Variants in PSAP observed in about 807,000 individuals in gnomAD.
PSAP encodes precursor of saposins.
Under a neutral mutation model 66.0 loss-of-function variants are expected in PSAP, and 25 were observed. The ratio of observed to expected loss-of-function variants is 0.38; its 90% CI spans 0.28 to 0.53. The LOEUF (loss-of-function observed/expected upper bound fraction) is 0.53. Ranked by LOEUF, PSAP falls within the 20% of genes least tolerant of loss-of-function variation. The pLI is 0.83. For synonymous variants in PSAP, 273 were observed against 258.9 expected, an observed-to-expected ratio of 1.05 and a Z score of -0.52; for missense variants, 649 against 668.8, an observed-to-expected ratio of 0.97 and a Z score of 0.33.
intron 1 of PSAP, among the ~76,000 whole-genome samples, chr10:71,843,462 G>GA (rs1491126617): frequency 1.3e-5 from 2 of 152,160 alleles, no homozygotes; most frequent in African/African-American, 4.8e-5. Context: ...CACAGCTACT[G>GA]AGAGAGTCAT....
At chr10:71,827,348 G>A (rs559014939) in intron 6 of PSAP, among the ~76,000 whole-genome samples, 55 of 150,136 alleles carry the variant, frequency 3.7e-4, no homozygotes, top group African/African-American at 7.1e-4. Flanking sequence ...GCAGTGAGCC[G>A]AGATCGCGCC....
At position 71,841,194 on chromosome 10, in the gene PSAP, T is replaced by C. The variant is rs532480402; in HGVS notation, c.41-6689A>G. Among the ~76,000 whole-genome samples, 4 of 152,334 alleles carry C rather than the reference T, an allele frequency of 2.6e-5. No homozygotes were observed. In the East Asian group the frequency reaches 7.7e-4, roughly 29 times the overall value. Reference sequence around the variant, plus strand: ...GCAGATCCAGCATGCTGCACCGCAGTTGGCACAGGCACCCACACAAACTGG... The same window carrying C: ...GCAGATCCAGCATGCTGCACCGCAGCTGGCACAGGCACCCACACAAACTGG... On this transcript the variant is annotated intron_variant, in intron 1 of 13. Transcript: ENST00000394936.
intron 1 of PSAP, among the ~76,000 whole-genome samples, chr10:71,841,916 G>C (rs1319592153): frequency 6.6e-6 from 1 of 151,452 alleles, no homozygotes; most frequent in Non-Finnish European, 1.5e-5. Context: ...TGAGGCAGGA[G>C]AATCACTTGA....
chr10:71,831,756 T>C, intron 3 of PSAP, 90 bp downstream of exon 3: 1 of 1,329,608 alleles, frequency 7.5e-7, no homozygotes, highest in Non-Finnish European at 1.1e-6. Flanking sequence ...GCCTACACCA[T>C]TCCTCTTTAG....
chr10:71,841,623 C>T (rs1049188635), intron 1 of PSAP, among the ~76,000 whole-genome samples: 1 of 152,158 alleles, frequency 6.6e-6, no homozygotes, highest in African/African-American at 2.4e-5. Context: ...GTAATCCAAG[C>T]ACCGTGGGAG....
chr10:71,841,045 T>G (rs73279771), intron 1 of PSAP, among the ~76,000 whole-genome samples: 2,685 of 152,314 alleles, frequency 0.018, 77 homozygotes, highest in African/African-American at 0.06. Context: ...TAAGATTACA[T>G]GGTAATCCAT....
chr10:71,817,228 G>C lies in PSAP; in HGVS notation c.*213C>G, dbSNP rs1842184911. 1 of 663,920 alleles carries C rather than the reference G, an allele frequency of 1.5e-6. No individual in the cohort carries two copies. The highest frequency in any genetic ancestry group is 2.3e-5 in the Admixed American group (1 of 42,864). The allele number at this position is 663,920 out of a possible 1,614,324, so 41.1% of individuals were successfully genotyped here. A position where few individuals can be genotyped will look rare whatever the true frequency, so the allele number is the denominator to read the frequency against. On this transcript the variant is annotated 3_prime_UTR_variant, in exon 14 of 14. Transcript: ENST00000394936. ...CCAGTGCATCAACATCCATCTAGCAGAGAGAAAAGGGGCACTGAAGCAGCT... is the reference window on the plus strand; with the variant it reads ...CCAGTGCATCAACATCCATCTAGCACAGAGAAAAGGGGCACTGAAGCAGCT...
intron 2 of PSAP, among the ~76,000 whole-genome samples, chr10:71,832,431 A>G (rs898720356): frequency 1.3e-5 from 2 of 152,214 alleles, no homozygotes; most frequent in Non-Finnish European, 2.9e-5. Flanking sequence ...ACCAGAGGCC[A>G]TGGAAATTCT....
chr10:71,818,874 T>C, intron 12 of PSAP, 150 bp from the exon 13 acceptor site: 1 of 1,026,812 alleles, frequency 9.7e-7, no homozygotes, highest in Non-Finnish European at 1.5e-6. Context: ...AGGAAAGCGA[T>C]GGGGCTTGGG....
rs916220499 is a variant in PSAP, at chr10:71,819,183, C to G, written c.1351-72G>C. On this transcript the variant is annotated intron_variant, in intron 11 of 13. Coordinates refer to ENST00000394936, the MANE Select transcript of PSAP (RefSeq NM_002778.4). ...GCATAGTGGGGCACAAAAGGCCAGG[C>G]AGGCCCTGGATACACTGTTCCCTGA... The G allele has an allele frequency of 9.5e-6, 13 of 1,367,294 alleles. 1 individual carries two copies. The South Asian group carries it at 1.4e-4, about 15-fold the overall frequency. The allele number at this position is 1,367,294 out of a possible 1,614,324, so 84.7% of individuals were successfully genotyped here.
intron 6 of PSAP, 123 bp downstream of exon 6, chr10:71,827,891 C>T: frequency 7.5e-7 from 1 of 1,335,184 alleles, no homozygotes; most frequent in South Asian, 1.3e-5. Flanking sequence ...CAAGTCTGCA[C>T]TACCTATTCA....
In PSAP at chr10:71,828,900, G is replaced by A. The variant is rs2133044718; in HGVS notation, c.553C>T (p.Pro185Ser). The stretch of plus-strand genomic sequence containing the variant: ...ACCTTTGGCTGGGGCTTGCTGCGGG[G>A]GCCGTCCTGAGGGTAGAGGAGGAGA... The part of the protein sequence containing the change: ...IPLLLYPQDG[P>S]RSKPQPKDNG... Residue 185 changes from proline to serine, a missense_variant, in exon 5 of 14, where the codon CCC becomes TCC. By Grantham distance (74) the Pro-to-Ser change is moderately conservative. Transcript: ENST00000394936. 1 of 1,614,080 alleles carries A rather than the reference G, an allele frequency of 6.2e-7. No individual in the cohort carries two copies. Among genetic ancestry groups the A allele is most frequent in the East Asian group, 2.2e-5 (1 of 44,866 alleles).
chr10:71,819,063 C>A lies in PSAP; in HGVS notation c.1399G>T (p.Val467Leu), dbSNP rs1374426593. 2 of 1,614,192 alleles carry A rather than the reference C, an allele frequency of 1.2e-6. No individual in the cohort carries two copies. The highest frequency in any genetic ancestry group is 2.7e-5 in the African/African-American group (2 of 75,054). The stretch of plus-strand genomic sequence containing the variant: ...ACGAAGGAAGGATCCATCACCTCCA[C>A]CAGGATCTCGATCAGCACGGGCTCG... ...EYEPVLIEIL[V>L]EVMDPSFVCL... The change falls in exon 12 of 14, where the codon GTG (valine) becomes TTG (leucine). Residue 467 changes from valine to leucine, a missense_variant. Coordinates refer to ENST00000394936, the MANE Select transcript of PSAP (RefSeq NM_002778.4).
chr10:71,820,239 C>T lies in PSAP; in HGVS notation c.1005+1G>A, dbSNP rs113365744. 3 of 1,611,206 alleles carry T rather than the reference C, an allele frequency of 1.9e-6. No homozygotes were observed. Among genetic ancestry groups the T allele is most frequent in the Non-Finnish European group, 2.5e-6 (3 of 1,177,292 alleles). On this transcript the variant is annotated splice_donor_variant, in intron 9 of 13. Transcript: ENST00000394936. LOFTEE classifies it high-confidence loss of function. ...CTCCCTCTGCCAGGAGGACAGCATA[C>T]CTCAGTCTTGTTGTTGTCAATCAGC...
In PSAP at chr10:71,816,529, G is replaced by A. The variant is rs769781649; in HGVS notation, c.*912C>T. On this transcript the variant is annotated 3_prime_UTR_variant, in exon 14 of 14. Transcript: ENST00000394936. ...CCTTCGGCATGCCGCCCTCTACCAG[G>A]AAGCCAGAGGCCTAGGAGCTCGCCA... is the stretch of plus-strand genomic sequence containing the variant. 12 of 456,278 alleles carry A rather than the reference G, an allele frequency of 2.6e-5. No individual in the cohort carries two copies. The highest frequency in any genetic ancestry group is 3.3e-4 in the Middle Eastern group (1 of 3,054). The allele number at this position is 456,278 out of a possible 1,614,324, so 28.3% of individuals were successfully genotyped here. A position where few individuals can be genotyped will look rare whatever the true frequency, so the allele number is the denominator to read the frequency against.
At chr10:71,822,892 C>T (rs1842333397) in intron 7 of PSAP, among the ~76,000 whole-genome samples, 2 of 151,820 alleles carry the variant, frequency 1.3e-5, no homozygotes, top group Admixed American at 1.3e-4. Context: ...TTAATAAGAC[C>T]GGGGGAGTCT....
At chr10:71,850,846 G>A (rs977994280) in intron 1 of PSAP, among the ~76,000 whole-genome samples, 11 of 152,332 alleles carry the variant, frequency 7.2e-5, no homozygotes, top group Non-Finnish European at 1.3e-4. Flanking sequence ...CTGCCCAAGG[G>A]GTCACCCTAC....
chr10:71,829,017 C>T lies in PSAP; in HGVS notation c.436G>A (p.Ala146Thr). Residue 146 changes from alanine to threonine, a missense_variant, in exon 5 of 14, where the codon GCA becomes ACA. By Grantham distance (58) the Ala-to-Thr change is moderately conservative. Transcript: ENST00000394936. Reference sequence around the variant, plus strand: ...AGCTGCTTCTGGTGATTCAGCTCTGCTAGGTGCTTCTGGAGAGACTCGCAG... The same window carrying T: ...AGCTGCTTCTGGTGATTCAGCTCTGTTAGGTGCTTCTGGAGAGACTCGCAG... ...NLCESLQKHL[A>T]ELNHQKQLES... 1.9e-6 allele frequency: 3 copies of T among 1,614,144 alleles called. No homozygotes were observed. The highest frequency in any genetic ancestry group is 2.5e-6 in the Non-Finnish European group (3 of 1,180,008).
At chr10:71,830,186 C>T (rs1842484744) in intron 4 of PSAP, among the ~76,000 whole-genome samples, 1 of 152,126 alleles carries the variant, frequency 6.6e-6, no homozygotes, top group African/African-American at 2.4e-5. Flanking sequence ...AAACTTACCC[C>T]TCATTCTATC....
Sources: gnomAD v4.1 joint callset for allele counts (sites outside exome capture counted in the v4.1 genomes callset) on GRCh38, gnomAD v4.1.1 for gene constraint, MANE v1.5 for transcripts, NCBI Gene and HGNC (gene_info 2026-07-23, HGNC 2026-07-21) for gene names.